Variants in VSIG2 observed in about 807,000 individuals in gnomAD.
The protein encoded by VSIG2 is V-set and immunoglobulin domain containing 2.
Under a neutral mutation model 29.4 loss-of-function variants are expected in VSIG2, and 30 were observed. The observed-to-expected ratio is 1.02, with a 90% CI of 0.76 to 1.38. VSIG2 has a LOEUF of 1.38. Ranked by LOEUF, VSIG2 falls within the 40% of genes most tolerant of loss-of-function variation. VSIG2 has a pLI of 0.00. For synonymous variants in VSIG2, 178 were observed against 174.2 expected, an observed-to-expected ratio of 1.02 and a Z score of -0.17; for missense variants, 421 against 400.8, an observed-to-expected ratio of 1.05 and a Z score of -0.43.
chr11:124,750,613 G>A (rs925487717), intron 3 of VSIG2, 101 bp downstream of exon 3: 1 of 1,326,272 alleles, frequency 7.5e-7, no homozygotes, highest in South Asian at 1.4e-5. Context: ...GCAGTTGTGT[G>A]CTTGGGCTAA....
intron 2 of VSIG2, 109 bp from the exon 3 acceptor site, chr11:124,751,030 G>A: frequency 8.6e-7 from 1 of 1,160,096 alleles, no homozygotes; most frequent in East Asian, 2.5e-5. Flanking sequence ...ACATCAGCCA[G>A]GGAGGCTGAT....
At chr11:124,751,627 C>A in intron 1 of VSIG2, 47 bp from the exon 2 acceptor site, 1 of 1,527,346 alleles carries the variant, frequency 6.5e-7, no homozygotes, top group Non-Finnish European at 8.8e-7. Flanking sequence ...TTCCAGTGAT[C>A]TGGAGGGTCG....
Position 124,752,143 on chromosome 11 carries a change from C to A in VSIG2, c.-6G>T. On this transcript the variant is annotated 5_prime_UTR_variant, in exon 1 of 7. Transcript: ENST00000326621. ...GGCCCCGGGAGCTCGGCCATGGCCGCGTCCGGCCGTCCTGTCCTGCTCCTG... is the reference window on the plus strand; with the variant it reads ...GGCCCCGGGAGCTCGGCCATGGCCGAGTCCGGCCGTCCTGTCCTGCTCCTG... 6.3e-7 allele frequency: 1 copy of A among 1,581,226 alleles called. No homozygotes were observed. Among genetic ancestry groups the A allele is most frequent in the Non-Finnish European group, 8.6e-7 (1 of 1,168,524 alleles).
chr11:124,751,307 T>C, intron 2 of VSIG2, 116 bp downstream of exon 2: 9 of 1,315,700 alleles, frequency 6.8e-6, no homozygotes, highest in Non-Finnish European at 9.5e-6. Flanking sequence ...GAGAGCCCAC[T>C]TACCTTTTCA....
chr11:124,751,006 G>A (rs1180891849), intron 2 of VSIG2, 85 bp from the exon 3 acceptor site: 29 of 1,430,720 alleles, frequency 2.0e-5, no homozygotes, highest in Non-Finnish European at 2.7e-5. Context: ...GTGGGTATAA[G>A]AGGCCTCTGA....
At chr11:124,748,592 A>C in intron 5 of VSIG2, 52 bp downstream of exon 5, 2 of 1,607,022 alleles carry the variant, frequency 1.2e-6, no homozygotes, top group Non-Finnish European at 1.7e-6. Context: ...CCACCAGCCG[A>C]CAGCTTCCCC....
Position 124,750,741 on chromosome 11 carries a change from A to G in VSIG2, c.400T>C (p.Leu134=). 1.2e-6 allele frequency: 2 copies of G among 1,613,856 alleles called. No individual in the cohort carries two copies. The highest frequency in any genetic ancestry group is 1.7e-6 in the Non-Finnish European group (2 of 1,179,970). The change falls in exon 3 of 7, where the codon TTG becomes CTG. Residue 134 remains leucine (L), a synonymous_variant. Transcript: ENST00000326621. ...AGCACAGTAAGGTTGATTAGCCCCA[A>G]CCCATTGGTGTAGAAATCTGGTGGG... ...NNPPDFYTNG[L]GLINLTVLVP...
chr11:124,748,755 A>T lies in VSIG2; in HGVS notation c.595T>A (p.Ser199Thr). 1 of 1,614,174 alleles carries T rather than the reference A, an allele frequency of 6.2e-7. No homozygotes were observed. The highest frequency in any genetic ancestry group is 1.1e-5 in the South Asian group (1 of 91,078). ...SPGSMVQDEVSGQLILTNLSL... is the reference protein window; with the variant it reads ...SPGSMVQDEVTGQLILTNLSL... ...AGGTTGGTGAGAATGAGCTGGCCAG[A>T]CACCTCATCTAGAGGATGAAGAGGA... Residue 199 changes from serine to threonine, a missense_variant, in exon 5 of 7, where the codon TCT becomes ACT. Physicochemically the swap from Ser to Thr is moderately conservative, Grantham distance 58 (BLOSUM62 1). Transcript: ENST00000326621.
At chr11:124,750,579 G>T in intron 3 of VSIG2, 135 bp downstream of exon 3, 2 of 820,594 alleles carry the variant, frequency 2.4e-6, no homozygotes, top group Non-Finnish European at 3.8e-6. Flanking sequence ...TGGAAAGGGA[G>T]TATTTTCACT....
At position 124,747,666 on chromosome 11, in the gene VSIG2, C is replaced by G. The variant is rs367888005; in HGVS notation, c.853G>C (p.Glu285Gln). 1 of 1,613,494 alleles carries G rather than the reference C, an allele frequency of 6.2e-7. No homozygotes were observed. Among genetic ancestry groups the G allele is most frequent in the East Asian group, 2.2e-5 (1 of 44,848 alleles). Residue 285 changes from glutamate (E) to glutamine (Q), a missense_variant and splice_region_variant, in exon 7 of 7, where the codon GAG (glutamate) becomes CAG (glutamine). Coordinates refer to ENST00000326621, the MANE Select transcript of VSIG2 (RefSeq NM_014312.5). The stretch of plus-strand genomic sequence containing the variant: ...GAGATCCCAGGAGCGATGGCATCCT[C>G]CCTGATGGGTATAGGCAAGTTCTGA... ...KETYGGSDLREDAIAPGISEH... is the reference protein window; with the variant it reads ...KETYGGSDLRQDAIAPGISEH...
At chr11:124,748,209 C>T (rs985231752) in intron 6 of VSIG2, 181 bp downstream of exon 6, 12 of 684,716 alleles carry the variant, frequency 1.8e-5, no homozygotes, top group East Asian at 1.1e-4. Context: ...CACCCTGTAC[C>T]GCTTGCCTGT....
chr11:124,751,992 CG>C, intron 1 of VSIG2, 84 bp downstream of exon 1: 1 of 1,426,630 alleles, frequency 7.0e-7, no homozygotes. Context: ...TCTGGCCTGG[CG>C]GGGACAGAGT....
At chr11:124,750,453 C>T (rs1046603459) in intron 3 of VSIG2, among the ~76,000 whole-genome samples, 6 of 151,908 alleles carry the variant, frequency 3.9e-5, no homozygotes, top group South Asian at 2.1e-4. Context: ...GGAGCAGGCT[C>T]AGATCCCCAT....
At chr11:124,752,008 C>A in intron 1 of VSIG2, 69 bp downstream of exon 1, 1 of 1,468,650 alleles carries the variant, frequency 6.8e-7, no homozygotes, top group South Asian at 1.4e-5. Context: ...CAGAGTGGGT[C>A]CGAGGAGCCG....
In VSIG2 at chr11:124,751,582, T is replaced by C. The variant is rs1379014098; in HGVS notation, c.62-2A>G. ...GTACCTTCACCTCCACGGCCAGCCC[T>C]GGGGCCGGGGACCAGAGGGAGGTGG... is the stretch of plus-strand genomic sequence containing the variant. On this transcript the variant is annotated splice_acceptor_variant, in intron 1 of 6. Transcript: ENST00000326621. LOFTEE classifies it high-confidence loss of function. 6.3e-7 allele frequency: 1 copy of C among 1,585,116 alleles called. No individual in the cohort carries two copies. Among genetic ancestry groups the C allele is most frequent in the East Asian group, 2.2e-5 (1 of 44,516 alleles).
intron 4 of VSIG2, 74 bp downstream of exon 4, chr11:124,749,634 A>T (rs764669895): frequency 6.4e-6 from 10 of 1,556,096 alleles, no homozygotes; most frequent in East Asian, 4.5e-5. Flanking sequence ...AACGGATAAT[A>T]CGGGTGTGTG....
At chr11:124,749,143 T>G (rs1432852458) in intron 4 of VSIG2, among the ~76,000 whole-genome samples, 1 of 152,214 alleles carries the variant, frequency 6.6e-6, no homozygotes, top group Non-Finnish European at 1.5e-5. Context: ...GGCTCTAAGC[T>G]GACACAAATG....
At chr11:124,747,825 C>A (rs557560909) in intron 6 of VSIG2, among the ~76,000 whole-genome samples, 158 bp from the exon 7 acceptor site, 1 of 152,198 alleles carries the variant, frequency 6.6e-6, no homozygotes, top group African/African-American at 2.4e-5. Flanking sequence ...CCCCAACGCA[C>A]AACTACAGGA....
chr11:124,750,860 A>G lies in VSIG2; in HGVS notation c.281T>C (p.Leu94Pro). 6.2e-7 allele frequency: 1 copy of G among 1,614,160 alleles called. No homozygotes were observed. Among genetic ancestry groups the G allele is most frequent in the South Asian group, 1.1e-5 (1 of 91,084 alleles). ...PTGSKSKRVS[L>P]LQNPPTVGVA... is the part of the protein sequence containing the mutation. ...CCCCACTGTGGGGGGGTTCTGAAGC[A>G]GGCTGACCCGCTTTGACTTAGAACC... is the stretch of plus-strand genomic sequence containing the variant. Residue 94 changes from leucine (L) to proline (P), a missense_variant, in exon 3 of 7, where the codon CTG (leucine) becomes CCG (proline). Transcript: ENST00000326621.
Sources: gnomAD v4.1 joint callset for allele counts (sites outside exome capture counted in the v4.1 genomes callset) on GRCh38, gnomAD v4.1.1 for gene constraint, MANE v1.5 for transcripts, NCBI Gene and HGNC (gene_info 2026-07-23, HGNC 2026-07-21) for gene names.